Variants in HELZ observed in about 807,000 individuals in gnomAD.
The protein encoded by HELZ is helicase with zinc finger.
In HELZ, 23 loss-of-function variants were observed where a neutral mutation model predicts 218.2. That is an observed-to-expected ratio of 0.11 (90% confidence interval 0.08 to 0.15). The LOEUF (loss-of-function observed/expected upper bound fraction) is 0.15. Ranked by LOEUF, HELZ falls within the 10% of genes least tolerant of loss-of-function variation. The probability of loss-of-function intolerance (pLI) is 1.00; values close to 1 mark genes in which losing one functional copy is unlikely to be tolerated. For synonymous variants in HELZ, 814 were observed against 829.4 expected (o/e 0.98, Z 0.32); for missense variants, 1,813 against 2,353.7 (o/e 0.77, Z 4.75).
chr17:67,201,463 C>T (rs1044348848), intron 6 of HELZ, among the ~76,000 whole-genome samples: 1 of 152,140 alleles, frequency 6.6e-6, no homozygotes, highest in African/African-American at 2.4e-5. Flanking sequence ...AAAATATTAA[C>T]AACAGGTACC....
intron 3 of HELZ, among the ~76,000 whole-genome samples, chr17:67,234,305 AAAAG>A (rs1411393180): frequency 6.8e-6 from 1 of 147,768 alleles, no homozygotes; most frequent in Non-Finnish European, 1.5e-5. Flanking sequence ...AAAAAAAAAA[AAAAG>A]AAAGAAAAAA....
chr17:67,179,261 T>C (rs977949753), intron 12 of HELZ, among the ~76,000 whole-genome samples: 2 of 152,194 alleles, frequency 1.3e-5, no homozygotes, highest in Admixed American at 6.5e-5. Context: ...GAAAAAGATA[T>C]GATAAATTCT....
At chr17:67,201,927 C>T (rs935894861) in intron 6 of HELZ, among the ~76,000 whole-genome samples, 13 of 152,078 alleles carry the variant, frequency 8.5e-5, no homozygotes, top group Non-Finnish European at 1.6e-4. Context: ...CATAATTAAA[C>T]AATTCACTGC....
chr17:67,116,054 T>G (rs891058606), intron 27 of HELZ, among the ~76,000 whole-genome samples: 1 of 152,120 alleles, frequency 6.6e-6, no homozygotes, highest in African/African-American at 2.4e-5. Context: ...AATAGCATAC[T>G]TTAAGCTTCC....
At chr17:67,175,805 A>T (rs2039439767) in intron 13 of HELZ, among the ~76,000 whole-genome samples, 1 of 152,244 alleles carries the variant, frequency 6.6e-6, no homozygotes, top group African/African-American at 2.4e-5. Flanking sequence ...TATCAGTTAT[A>T]TCTTGAAGAT....
intron 14 of HELZ, 120 bp downstream of exon 14, chr17:67,167,343 T>C (rs1257563501): frequency 7.1e-6 from 5 of 705,914 alleles, no homozygotes; most frequent in South Asian, 1.9e-5. Context: ...CCCACCACTG[T>C]AGACTTCAAA....
At chr17:67,208,926 G>A (rs969718579) in intron 5 of HELZ, among the ~76,000 whole-genome samples, 12 of 150,494 alleles carry the variant, frequency 8.0e-5, no homozygotes, top group African/African-American at 2.7e-4. Context: ...GGATGACAGA[G>A]TGAAACTCTG....
rs1029727709 is a variant in HELZ at position 67,107,040 on chromosome 17, C to A, written c.5241+129G>T. ...TAGGAGGGTGGCAATTAAAATAATT[C>A]CCAAGAAAGGATTATCTTTAATACG... On this transcript the variant is annotated intron_variant, in intron 31 of 32. Coordinates refer to ENST00000358691, the MANE Select transcript of HELZ (RefSeq NM_014877.4). 15 of 921,492 alleles carry A rather than the reference C, an allele frequency of 1.6e-5. No homozygotes were observed. The African/African-American group carries it at 2.4e-4, about 14-fold the overall frequency. 57.1% of individuals were successfully genotyped at this position (921,492 alleles called of 1,614,324 possible). A position where few individuals can be genotyped will look rare whatever the true frequency, so the allele number is the denominator to read the frequency against.
chr17:67,138,175 A>T lies in HELZ; in HGVS notation c.2770-61T>A, dbSNP rs571473585. On this transcript the variant is annotated intron_variant, in intron 21 of 32. Transcript: ENST00000358691. ...ATCACCAATGTTTGGAGAAAATAATATCGTAACTAAAACTGATTTATAAAG... is the reference window on the plus strand; with the variant it reads ...ATCACCAATGTTTGGAGAAAATAATTTCGTAACTAAAACTGATTTATAAAG... The T allele has an allele frequency of 9.6e-6, 13 of 1,350,984 alleles. No individual in the cohort carries two copies. The South Asian group carries it at 2.4e-4, about 25-fold the overall frequency. 83.7% of individuals were successfully genotyped at this position (1,350,984 alleles called of 1,614,324 possible). A position where few individuals can be genotyped will look rare whatever the true frequency, so the allele number is the denominator to read the frequency against.
Position 67,218,842 on chromosome 17 carries a change from A to T in HELZ, c.-18-20T>A. On this transcript the variant is annotated intron_variant, in intron 3 of 32. Coordinates refer to ENST00000358691, the MANE Select transcript of HELZ (RefSeq NM_014877.4). ...AAAATCCTACAGACAGGGAGAAAGA[A>T]CAAGAGAAGGTTTTTTAAACTTATT... 6.4e-7 allele frequency: 1 copy of T among 1,564,684 alleles called. No homozygotes were observed. The highest frequency in any genetic ancestry group is 8.8e-7 in the Non-Finnish European group (1 of 1,136,402).
Position 67,128,697 on chromosome 17 carries a change from A to G in HELZ, c.3341T>C (p.Leu1114Pro), listed in dbSNP as rs1483797328. 13 of 1,614,058 alleles carry G rather than the reference A, an allele frequency of 8.1e-6. No individual in the cohort carries two copies. The highest frequency in any genetic ancestry group is 1.1e-5 in the Non-Finnish European group (13 of 1,180,022). The change falls in exon 24 of 33, where the codon CTG becomes CCG. Residue 1114 changes from leucine to proline, a missense_variant. By Grantham distance (98) the Leu-to-Pro change is moderately conservative. Around this residue, in one of 4 missense-constraint regions of HELZ, gnomAD observed 938 missense variants for 1,027.5 expected, o/e 0.91. Transcript: ENST00000358691. ...TTTGTTGGTACTTCCTGAATGCTGC[A>G]GTCTTAGAGCCCGGGGGATAAATTC... is the stretch of plus-strand genomic sequence containing the variant. ...APEFIPRALR[L>P]QHSGSTNKQQ...
intron 5 of HELZ, among the ~76,000 whole-genome samples, chr17:67,207,619 T>A (rs1190066141): frequency 1.3e-5 from 2 of 152,176 alleles, no homozygotes; most frequent in African/African-American, 4.8e-5. Flanking sequence ...TCCTAAAAAT[T>A]TTTTTCATTA....
chr17:67,196,053 T>G (rs894079939), intron 7 of HELZ, among the ~76,000 whole-genome samples: 1 of 152,058 alleles, frequency 6.6e-6, no homozygotes, highest in Non-Finnish European at 1.5e-5. Context: ...GGTTTCACCA[T>G]GTTGGCCAGG....
At chr17:67,232,052 C>CAAAAAAAAAAAAAAAAAAAAAAAAAAA (rs754429326) in intron 3 of HELZ, among the ~76,000 whole-genome samples, 1 of 42,484 alleles carries the variant, frequency 2.4e-5, no homozygotes, top group African/African-American at 6.9e-5. Context: ...GACTCCATCT[C>CAAAAAAAAAAAAAAAAAAAAAAAAAAA]AAAAAAAAAA....
intron 3 of HELZ, among the ~76,000 whole-genome samples, chr17:67,237,108 G>A (rs1028541887): frequency 6.6e-6 from 1 of 152,168 alleles, no homozygotes; most frequent in Non-Finnish European, 1.5e-5. Flanking sequence ...GGGAGGCCAA[G>A]GCGGGTGGAT....
At chr17:67,238,727 A>G (rs1158627441) in intron 3 of HELZ, among the ~76,000 whole-genome samples, 10 of 152,202 alleles carry the variant, frequency 6.6e-5, no homozygotes. Context: ...CCTCATAAGG[A>G]AAGTATTAAA....
At chr17:67,144,164 A>G (rs1385245357) in intron 21 of HELZ, among the ~76,000 whole-genome samples, 1 of 152,160 alleles carries the variant, frequency 6.6e-6, no homozygotes, top group Non-Finnish European at 1.5e-5. Flanking sequence ...AGCTTCTAAA[A>G]TCATCTTACT....
In HELZ at chr17:67,188,168, C is replaced by T. The variant is rs1156738111; in HGVS notation, c.1162+151G>A. The T allele has an allele frequency of 4.4e-6, 3 of 686,038 alleles. No homozygotes were observed. The African/African-American group carries it at 5.4e-5, about 12-fold the overall frequency. 42.5% of individuals were successfully genotyped at this position (686,038 alleles called of 1,614,324 possible). Reference sequence around the variant, plus strand: ...AGGGCACAGTGTGAATCATTATAAGCCCATTACACAGTAAATGAGTCAATT... The same window carrying T: ...AGGGCACAGTGTGAATCATTATAAGTCCATTACACAGTAAATGAGTCAATT... On this transcript the variant is annotated intron_variant, in intron 12 of 32. Coordinates refer to ENST00000358691, the MANE Select transcript of HELZ (RefSeq NM_014877.4). This position sits in a 1 kb window ranked among gnomAD's most constrained non-coding sequence, Gnocchi z 4.1.
Position 67,109,628 on chromosome 17 carries a change from T to C in HELZ, c.3977A>G (p.Tyr1326Cys). 1 of 1,614,134 alleles carries C rather than the reference T, an allele frequency of 6.2e-7. No individual in the cohort carries two copies. The highest frequency in any genetic ancestry group is 1.6e-4 in the Middle Eastern group (1 of 6,062). Reference protein sequence around the residue: ...RSPESRPSVVYPSTKFPRKDN... With the variant: ...RSPESRPSVVCPSTKFPRKDN... ...TTTGCGAGGAAATTTGGTACTGGGATAAACAACACTAGGACGTGATTCAGG... is the reference window on the plus strand; with the variant it reads ...TTTGCGAGGAAATTTGGTACTGGGACAAACAACACTAGGACGTGATTCAGG... The change falls in exon 29 of 33, where the codon TAT (tyrosine) becomes TGT (cysteine). Residue 1326 changes from tyrosine (Y) to cysteine (C), a missense_variant. Transcript: ENST00000358691.
Sources: gnomAD v4.1 joint callset for allele counts (sites outside exome capture counted in the v4.1 genomes callset) on GRCh38, gnomAD v4.1.1 for gene constraint, gnomAD v4.1.1 regional missense constraint, Gnocchi (gnomAD v3.1) non-coding constraint, MANE v1.5 for transcripts, NCBI Gene and HGNC (gene_info 2026-07-23, HGNC 2026-07-21) for gene names.